SCN8A: variants seen among roughly 807,000 people sequenced by gnomAD.
SCN8A encodes sodium channel protein type 8 subunit alpha.
SCN8A carries 30 observed loss-of-function variants against 184.1 expected under a neutral mutation model. The ratio of observed to expected loss-of-function variants is 0.16; its 90% CI spans 0.12 to 0.22. The LOEUF (loss-of-function observed/expected upper bound fraction) is 0.22, where lower values mean the gene tolerates loss of function less well. Ranked by LOEUF, SCN8A falls within the 10% of genes least tolerant of loss-of-function variation. SCN8A has a pLI of 1.00. For synonymous variants in SCN8A, 852 were observed against 907.0 expected (o/e 0.94, Z 1.09); for missense variants, 1,057 against 2,498.9 (o/e 0.42, Z 12.30).
chr12:51,770,794 G>A, intron 19 of SCN8A, 111 bp downstream of exon 19: 2 of 1,139,648 alleles, frequency 1.8e-6, no homozygotes, highest in Non-Finnish European at 1.3e-6. Context: ...GATTGGCTGT[G>A]GTCCCAAGAA....
intron 1 of SCN8A, among the ~76,000 whole-genome samples, chr12:51,634,837 A>T (rs1940281123): frequency 6.6e-6 from 1 of 151,870 alleles, no homozygotes; most frequent in Admixed American, 6.6e-5. Flanking sequence ...TTTAGTAGAG[A>T]CAGGGTTTCA....
Position 51,634,195 on chromosome 12 carries a change from A to G in SCN8A, c.-54-28569A>G, listed in dbSNP as rs534627182. The stretch of plus-strand genomic sequence containing the variant: ...GGAATAGAAAAATGCAAATTTCAGG[A>G]TATGATCAATATGTTGCATTTATAT... On this transcript the variant is annotated intron_variant, in intron 1 of 26. Coordinates refer to ENST00000627620, the MANE Select transcript of SCN8A (RefSeq NM_001330260.2). 5.9e-5 allele frequency among the ~76,000 whole-genome samples: 9 copies of G among 152,372 alleles called. No individual in the cohort carries two copies. In the South Asian group the frequency reaches 1.9e-3, roughly 32 times the overall value.
intron 21 of SCN8A, among the ~76,000 whole-genome samples, chr12:51,784,469 C>T (rs1380523451): frequency 1.3e-5 from 2 of 152,060 alleles, no homozygotes; most frequent in South Asian, 2.1e-4. Flanking sequence ...GCAGGAGAAT[C>T]GCTTGAACCT....
In SCN8A at chr12:51,772,989, T is replaced by C. The variant is rs535847804; in HGVS notation, c.3646-1200T>C. ...AAAATTAGCCGGGTGTGGTGGCATGTGCCTGTAGTCCCAGCTACTCGGAAG... is the reference window on the plus strand; with the variant it reads ...AAAATTAGCCGGGTGTGGTGGCATGCGCCTGTAGTCCCAGCTACTCGGAAG... On this transcript the variant is annotated intron_variant, in intron 19 of 26. Transcript: ENST00000627620. 3.6e-3 allele frequency among the ~76,000 whole-genome samples: 543 copies of C among 152,164 alleles called. 5 individuals carry two copies. Among genetic ancestry groups the C allele is most frequent in the African/African-American group, 0.011 (451 of 41,510 alleles).
At position 51,794,422 on chromosome 12, in the gene SCN8A, A is replaced by G. The variant is rs774231634; in HGVS notation, c.4576A>G (p.Ile1526Val). ...TTTTGTCACTCAGCAAGCCTTTGAC[A>G]TTGTTATCATGATGCTCATCTGCCT... ...FDFVTQQAFD[I>V]VIMMLICLNM... The change falls in exon 26 of 27, where the codon ATT (isoleucine) becomes GTT (valine). Residue 1526 changes from isoleucine to valine, a missense_variant. Ile to Val is a conservative substitution (Grantham distance 29). This residue lies in a region of SCN8A where 37 missense variants were observed against 216.1 expected (regional missense o/e 0.17). Transcript: ENST00000627620. 2 of 1,613,916 alleles carry G rather than the reference A, an allele frequency of 1.2e-6. No homozygotes were observed. The highest frequency in any genetic ancestry group is 1.7e-6 in the Non-Finnish European group (2 of 1,179,854).
intron 7 of SCN8A, among the ~76,000 whole-genome samples, chr12:51,700,559 A>G (rs560584723): frequency 2.0e-5 from 3 of 152,226 alleles, no homozygotes; most frequent in Non-Finnish European, 4.4e-5. Context: ...TATTTGAGGA[A>G]CCAAAGGAAA....
intron 6 of SCN8A, among the ~76,000 whole-genome samples, chr12:51,698,684 GT>G (rs769188649): frequency 5.9e-5 from 9 of 152,152 alleles, no homozygotes; most frequent in Non-Finnish European, 1.2e-4. Context: ...AAATTAAAAT[GT>G]TTTTAATGTT....
intron 1 of SCN8A, among the ~76,000 whole-genome samples, chr12:51,644,488 T>C (rs1940519863): frequency 6.6e-6 from 1 of 152,240 alleles, no homozygotes; most frequent in African/African-American, 2.4e-5. Flanking sequence ...AAACAATTAT[T>C]GGAAGTATTA....
At chr12:51,706,306 C>A in intron 10 of SCN8A, 116 bp from the exon 11 acceptor site, 1 of 1,001,370 alleles carries the variant, frequency 1.0e-6, no homozygotes, top group Non-Finnish European at 1.4e-6. Context: ...AGGTTTCCTG[C>A]CTCCTTTTTT....
At chr12:51,761,428 A>G (rs1942760160) in intron 14 of SCN8A, among the ~76,000 whole-genome samples, 1 of 151,326 alleles carries the variant, frequency 6.6e-6, no homozygotes, top group African/African-American at 2.4e-5. Flanking sequence ...TATTTACCCA[A>G]TAGAATTTTA....
At chr12:51,654,335 TA>T (rs1940778407) in intron 1 of SCN8A, among the ~76,000 whole-genome samples, 1 of 152,252 alleles carries the variant, frequency 6.6e-6, no homozygotes. Context: ...CTCTGACATT[TA>T]GGTCTTTGAT....
At chr12:51,791,475 TCAAACAAA>T (rs112153051) in intron 25 of SCN8A, among the ~76,000 whole-genome samples, 3 of 151,948 alleles carry the variant, frequency 2.0e-5, no homozygotes, top group African/African-American at 4.8e-5. Context: ...TCTCAGTACT[TCAAACAAA>T]CAAACAAACA....
chr12:51,634,603 A>C (rs1157507605), intron 1 of SCN8A, among the ~76,000 whole-genome samples: 1 of 150,086 alleles, frequency 6.7e-6, no homozygotes, highest in Non-Finnish European at 1.5e-5. Flanking sequence ...ATAGTTTTCT[A>C]TATTTTTCAA....
At chr12:51,730,623 A>G (rs1406775926) in intron 12 of SCN8A, among the ~76,000 whole-genome samples, 1 of 152,162 alleles carries the variant, frequency 6.6e-6, no homozygotes, top group African/African-American at 2.4e-5. Flanking sequence ...AGATACTTTG[A>G]TACAGGCATG....
chr12:51,797,692 A>G (rs1320997106), intron 26 of SCN8A, among the ~76,000 whole-genome samples: 3 of 152,224 alleles, frequency 2.0e-5, no homozygotes, highest in Non-Finnish European at 4.4e-5. Context: ...CCTGTATTCC[A>G]TGCATACTCT....
chr12:51,638,175 C>T (rs1234670617), intron 1 of SCN8A, among the ~76,000 whole-genome samples: 1 of 152,140 alleles, frequency 6.6e-6, no homozygotes, highest in Non-Finnish European at 1.5e-5. Flanking sequence ...TACTCATTGA[C>T]AGTATACTTG....
At chr12:51,780,906 C>CT (rs1454123362) in intron 21 of SCN8A, 135 bp downstream of exon 21, 7 of 1,123,884 alleles carry the variant, frequency 6.2e-6, no homozygotes, top group Non-Finnish European at 8.0e-6. Flanking sequence ...CCTCCACTCT[C>CT]TCCCCCACAC....
chr12:51,611,956 T>G (rs564334503), intron 1 of SCN8A, among the ~76,000 whole-genome samples: 1 of 152,338 alleles, frequency 6.6e-6, no homozygotes, highest in South Asian at 2.1e-4. Flanking sequence ...ATATAGATAA[T>G]CATAGTCCAT....
At chr12:51,687,352 C>CTG in intron 5 of SCN8A, 133 bp downstream of exon 5, 2 of 998,008 alleles carry the variant, frequency 2.0e-6, no homozygotes, top group Non-Finnish European at 2.9e-6. Context: ...ATGTAAGGCC[C>CTG]TGTGGGCTTA....
Sources: gnomAD v4.1 joint callset for allele counts (sites outside exome capture counted in the v4.1 genomes callset) on GRCh38, gnomAD v4.1.1 for gene constraint, gnomAD v4.1.1 regional missense constraint, MANE v1.5 for transcripts, NCBI Gene and HGNC (gene_info 2026-07-23, HGNC 2026-07-21) for gene names.